Variants in RPF1 observed in about 807,000 individuals in gnomAD.
RPF1 encodes the protein ribosome production factor 1.
A neutral mutation model predicts 41.9 loss-of-function variants in RPF1; 34 were observed. The observed-to-expected ratio is 0.81, with a 90% CI of 0.62 to 1.08. The LOEUF is 1.08. Among genes scored for constraint, RPF1 ranks in the 50% least tolerant of loss-of-function variants. The pLI is 0.00. For synonymous variants in RPF1, 140 were observed against 148.9 expected, an observed-to-expected ratio of 0.94 and a Z score of 0.43; for missense variants, 425 against 435.2, an observed-to-expected ratio of 0.98 and a Z score of 0.21.
Position 84,495,787 on chromosome 1 carries a change from A to G in RPF1, c.700-95A>G, listed in dbSNP as rs573215493. 1,107 of 808,348 alleles carry G rather than the reference A, an allele frequency of 1.4e-3. 3 individuals carry two copies. The highest frequency in any genetic ancestry group is 1.9e-3 in the Non-Finnish European group (993 of 520,010). The allele number at this position is 808,348 out of a possible 1,614,324, so 50.1% of individuals were successfully genotyped here. On this transcript the variant is annotated intron_variant, in intron 6 of 8. Transcript: ENST00000370654. ...TGTCACTAAAAAATACATTTTGCAA[A>G]TTTGTCATGTAAATTTTGATACTTG... is the stretch of plus-strand genomic sequence containing the variant.
rs990566108 is a variant in RPF1, at chr1:84,480,899, G to A, written c.229-57G>A. On this transcript the variant is annotated intron_variant, in intron 1 of 8. Transcript: ENST00000370654. ...TTAGTAATTTGTAGTTTCAGTATGT[G>A]TTTGTGATATAACTGGTTGTTTCTC... 112 of 920,816 alleles carry A rather than the reference G, an allele frequency of 1.2e-4. No homozygotes were observed. In the African/African-American group the frequency reaches 1.5e-3, roughly 13 times the overall value. 57.0% of individuals were successfully genotyped at this position (920,816 alleles called of 1,614,324 possible). A position where few individuals can be genotyped will look rare whatever the true frequency, so the allele number is the denominator to read the frequency against.
chr1:84,480,391 A>G (rs1285407592), intron 1 of RPF1, among the ~76,000 whole-genome samples: 1 of 152,262 alleles, frequency 6.6e-6, no homozygotes, highest in Non-Finnish European at 1.5e-5. Context: ...CATTCTATCT[A>G]GAAATCTCCA....
chr1:84,486,022 G>T (rs1024548202), intron 3 of RPF1, among the ~76,000 whole-genome samples: 1 of 152,118 alleles, frequency 6.6e-6, no homozygotes, highest in South Asian at 2.1e-4. Context: ...AGACTTGAAG[G>T]ATGTGAGGAA....
rs370089374 is a variant in RPF1, at chr1:84,479,272, A to T, written c.-10A>T. 13 of 1,588,094 alleles carry T rather than the reference A, an allele frequency of 8.2e-6. No individual in the cohort carries two copies. The highest frequency in any genetic ancestry group is 1.1e-5 in the Non-Finnish European group (13 of 1,168,104). On this transcript the variant is annotated 5_prime_UTR_variant, in exon 1 of 9. Transcript: ENST00000370654. ...TTCCGTTTCCGTACGGAAGCAAAGG[A>T]GCCAAGACCATGGCGAAAGCCGGGG...
chr1:84,490,932 C>T (rs1681823209), intron 5 of RPF1, among the ~76,000 whole-genome samples: 1 of 152,082 alleles, frequency 6.6e-6, no homozygotes, highest in South Asian at 2.1e-4. Context: ...CAGAGAAAAG[C>T]GCTCAGTGCA....
chr1:84,481,702 G>A (rs1681652123), intron 2 of RPF1, among the ~76,000 whole-genome samples: 2 of 152,090 alleles, frequency 1.3e-5, no homozygotes, highest in Admixed American at 1.3e-4. Context: ...ACTACTAAAT[G>A]CTCATACATT....
chr1:84,481,324 G>A (rs576689471), intron 2 of RPF1, among the ~76,000 whole-genome samples: 11 of 152,206 alleles, frequency 7.2e-5, no homozygotes, highest in East Asian at 3.9e-4. Flanking sequence ...GTACCTATAC[G>A]GTAACACAGT....
At chr1:84,491,728 G>A (rs780686378) in intron 5 of RPF1, among the ~76,000 whole-genome samples, 1 of 152,116 alleles carries the variant, frequency 6.6e-6, no homozygotes, top group Non-Finnish European at 1.5e-5. Flanking sequence ...AAAAACAACT[G>A]TCATCACTTT....
intron 5 of RPF1, among the ~76,000 whole-genome samples, chr1:84,495,075 GCTT>G (rs1274938927): frequency 7.5e-6 from 1 of 134,024 alleles, no homozygotes; most frequent in Non-Finnish European, 1.7e-5. Context: ...CAATTAAATA[GCTT>G]TTTTTCACCT....
At chr1:84,489,191 T>C (rs766604905) in intron 3 of RPF1, among the ~76,000 whole-genome samples, 4 of 152,200 alleles carry the variant, frequency 2.6e-5, no homozygotes, top group Non-Finnish European at 5.9e-5. Context: ...ACTTTTGGTA[T>C]ATTCCACAAA....
intron 5 of RPF1, 105 bp downstream of exon 5, chr1:84,490,577 ATTTT>A (rs1247499024): frequency 2.4e-6 from 2 of 826,630 alleles, no homozygotes; most frequent in South Asian, 2.4e-5. Flanking sequence ...TCAGAAAATA[ATTTT>A]TTTATCAGAA....
At chr1:84,497,346 G>T (rs144432669) in intron 8 of RPF1, 83 bp from the exon 9 acceptor site, 3 of 1,183,148 alleles carry the variant, frequency 2.5e-6, no homozygotes, top group African/African-American at 3.1e-5. Flanking sequence ...ATCTAGGGAC[G>T]TTAACTTTTA....
intron 3 of RPF1, among the ~76,000 whole-genome samples, chr1:84,485,090 A>G (rs904574238): frequency 2.6e-5 from 4 of 151,880 alleles, no homozygotes; most frequent in African/African-American, 9.7e-5. Context: ...TACATCTTAT[A>G]CACATAGCCT....
chr1:84,494,354 C>T (rs1681891275), intron 5 of RPF1, among the ~76,000 whole-genome samples: 1 of 152,076 alleles, frequency 6.6e-6, no homozygotes, highest in South Asian at 2.1e-4. Flanking sequence ...GTGTTGATGC[C>T]ATTGTAAAAA....
intron 8 of RPF1, among the ~76,000 whole-genome samples, chr1:84,496,790 T>C (rs752046756): frequency 3.3e-5 from 5 of 152,222 alleles, no homozygotes; most frequent in African/African-American, 4.8e-5. Flanking sequence ...CTCTACTACA[T>C]GTTTCTTGAG....
At chr1:84,496,881 G>T (rs1558547958) in intron 8 of RPF1, among the ~76,000 whole-genome samples, 3 of 151,620 alleles carry the variant, frequency 2.0e-5, no homozygotes, top group East Asian at 1.9e-4. Context: ...TTGTTGTTTT[G>T]TTTTTTTTGA....
intron 1 of RPF1, 28 bp from the exon 2 acceptor site, chr1:84,480,928 A>T: frequency 8.0e-7 from 1 of 1,255,484 alleles, no homozygotes; most frequent in Non-Finnish European, 1.2e-6. Flanking sequence ...GTTTCTCAGT[A>T]TTGTTCTCTT....
In RPF1 at chr1:84,479,478, T is replaced by C. The variant is rs746238125; in HGVS notation, c.197T>C (p.Met66Thr). 49 of 1,614,058 alleles carry C rather than the reference T, an allele frequency of 3.0e-5. No individual in the cohort carries two copies. Among genetic ancestry groups the C allele is most frequent in the South Asian group, 2.3e-4 (21 of 91,092 alleles). The change falls in exon 1 of 9, where the codon ATG becomes ACG. Residue 66 changes from methionine (M) to threonine (T), a missense_variant. Coordinates refer to ENST00000370654, the MANE Select transcript of RPF1 (RefSeq NM_025065.7). Reference sequence around the variant, plus strand: ...AAAAACAAACAGCGGCGACACTTAATGTTCACGCGGTGGAAACAGCAGCAG... The same window carrying C: ...AAAAACAAACAGCGGCGACACTTAACGTTCACGCGGTGGAAACAGCAGCAG... ...EIKNKQRRHL[M>T]FTRWKQQQRK...
intron 1 of RPF1, among the ~76,000 whole-genome samples, chr1:84,480,422 A>G (rs1488627087): frequency 6.6e-6 from 1 of 152,242 alleles, no homozygotes; most frequent in Non-Finnish European, 1.5e-5. Flanking sequence ...TAGATTGACA[A>G]TACAAATACA....
Sources: allele counts gnomAD v4.1 joint callset (sites outside exome capture counted in the v4.1 genomes callset), GRCh38; gene constraint gnomAD v4.1.1; transcripts MANE v1.5; gene names NCBI Gene and HGNC (gene_info 2026-07-23, HGNC 2026-07-21).